Variants in AGBL4 observed in about 807,000 individuals in gnomAD.
AGBL4 encodes the protein AGBL carboxypeptidase 4.
Under a neutral mutation model 66.4 loss-of-function variants are expected in AGBL4, and 58 were observed. The ratio of observed to expected loss-of-function variants is 0.87; its 90% CI spans 0.71 to 1.09. The LOEUF is 1.09. Among genes scored for constraint, AGBL4 ranks in the 50% least tolerant of loss-of-function variants. The pLI, the probability that AGBL4 is intolerant of heterozygous loss-of-function variation, is 0.00. For missense variants in AGBL4, 579 were observed against 631.0 expected (o/e 0.92, Z 0.88); for synonymous variants, 234 against 222.9 (o/e 1.05, Z -0.44).
intron 2 of AGBL4, among the ~76,000 whole-genome samples, chr1:49,849,416 T>C (rs956133683): frequency 1.6e-5 from 2 of 128,504 alleles, no homozygotes; most frequent in East Asian, 2.0e-4. Flanking sequence ...TTATTATTAT[T>C]ATTATTATTA....
intron 3 of AGBL4, among the ~76,000 whole-genome samples, chr1:49,340,216 GAAA>G (rs35729306): frequency 1.1e-4 from 14 of 128,032 alleles, no homozygotes; most frequent in African/African-American, 2.0e-4. Flanking sequence ...ATTCTCTATG[GAAA>G]AAAAAAAAAA....
intron 4 of AGBL4, among the ~76,000 whole-genome samples, chr1:49,205,982 A>C (rs1648100209): frequency 1.3e-5 from 2 of 152,158 alleles, no homozygotes; most frequent in South Asian, 4.1e-4. Flanking sequence ...CTAGAAAAAT[A>C]AACTTGATTT....
chr1:49,858,626 A>G (rs910779167), intron 1 of AGBL4, among the ~76,000 whole-genome samples: 5 of 152,160 alleles, frequency 3.3e-5, no homozygotes, highest in African/African-American at 1.2e-4. Flanking sequence ...AAGAACTAAA[A>G]CTAGGACTAA....
chr1:49,286,009 C>A (rs570729678), intron 3 of AGBL4, among the ~76,000 whole-genome samples: 159 of 152,294 alleles, frequency 1.0e-3, no homozygotes, highest in African/African-American at 3.7e-3. Flanking sequence ...AAAAGCTTAT[C>A]CACCATGATC....
At chr1:48,951,213 A>T (rs959304060) in intron 5 of AGBL4, among the ~76,000 whole-genome samples, 9 of 152,182 alleles carry the variant, frequency 5.9e-5, no homozygotes, top group African/African-American at 2.2e-4. Flanking sequence ...CATGGTCAGC[A>T]AAAGCATCAG....
intron 4 of AGBL4, among the ~76,000 whole-genome samples, chr1:49,049,226 T>C (rs1644152930): frequency 1.3e-5 from 2 of 152,232 alleles, no homozygotes; most frequent in East Asian, 1.9e-4. Flanking sequence ...TTCCCCACCA[T>C]CTTGCATACT....
At chr1:49,965,688 C>G (rs772356552) in intron 1 of AGBL4, among the ~76,000 whole-genome samples, 4 of 152,130 alleles carry the variant, frequency 2.6e-5, no homozygotes, top group Non-Finnish European at 5.9e-5. Context: ...ACTATGATGT[C>G]ATTGTCCAAC....
chr1:48,697,587 A>C lies in AGBL4; in HGVS notation c.635-34346T>G, dbSNP rs554595102. Among the ~76,000 whole-genome samples the C allele has an allele frequency of 1.7e-4, 26 of 152,362 alleles. No individual in the cohort carries two copies. In the South Asian group the frequency reaches 5.4e-3, roughly 32 times the overall value. On this transcript the variant is annotated intron_variant, in intron 6 of 13. Coordinates refer to ENST00000371839, the MANE Select transcript of AGBL4 (RefSeq NM_032785.4). Reference sequence around the variant, plus strand: ...TGATTTTTCCAGTGCTTCAAAAACTAATCCAGATGAATGGATCTATAGCTG... The same window carrying C: ...TGATTTTTCCAGTGCTTCAAAAACTCATCCAGATGAATGGATCTATAGCTG...
At chr1:49,558,373 T>G (rs1402402475) in intron 3 of AGBL4, among the ~76,000 whole-genome samples, 1 of 152,162 alleles carries the variant, frequency 6.6e-6, no homozygotes, top group Non-Finnish European at 1.5e-5. Context: ...AGATGGAGTC[T>G]CACTCTGTTG....
At chr1:48,535,003 A>C in intron 12 of AGBL4, 87 bp from the exon 13 acceptor site, 1 of 1,280,964 alleles carries the variant, frequency 7.8e-7, no homozygotes, top group Non-Finnish European at 1.1e-6. Context: ...CTGTCATTGA[A>C]GGATGTTGTT....
At position 48,656,971 on chromosome 1, in the gene AGBL4, T is replaced by C. The variant is rs992063459; in HGVS notation, c.725-3520A>G. Among the ~76,000 whole-genome samples, 12 of 152,264 alleles carry C rather than the reference T, an allele frequency of 7.9e-5. No individual in the cohort carries two copies. In the South Asian group the frequency reaches 8.3e-4, roughly 11 times the overall value. On this transcript the variant is annotated intron_variant, in intron 7 of 13. Transcript: ENST00000371839. Reference sequence around the variant, plus strand: ...GCCCATGTATTCCCTGAATCTAAAATTTAAAATTAAAATAAAAAGAAAGGA... The same window carrying C: ...GCCCATGTATTCCCTGAATCTAAAACTTAAAATTAAAATAAAAAGAAAGGA...
intron 1 of AGBL4, among the ~76,000 whole-genome samples, chr1:50,013,014 T>G (rs1661670071): frequency 6.6e-6 from 1 of 152,174 alleles, no homozygotes; most frequent in South Asian, 2.1e-4. Context: ...TCTCAGAATA[T>G]AACCACTTCC....
rs111966736 is a variant in AGBL4 at position 49,741,148 on chromosome 1, C to T, written c.158-43711G>A. Among the ~76,000 whole-genome samples, 287 of 151,906 alleles carry T rather than the reference C, an allele frequency of 1.9e-3. 3 individuals carry two copies. Among genetic ancestry groups the T allele is most frequent in the African/African-American group, 6.3e-3 (263 of 41,428 alleles). ...GAAAGGATCAACAAAATTGATAGACCGCTAGCAAGACTAATAAAGAAGAAA... is the reference window on the plus strand; with the variant it reads ...GAAAGGATCAACAAAATTGATAGACTGCTAGCAAGACTAATAAAGAAGAAA... On this transcript the variant is annotated intron_variant, in intron 2 of 13. Coordinates refer to ENST00000371839, the MANE Select transcript of AGBL4 (RefSeq NM_032785.4).
chr1:49,969,680 A>G (rs965219137), intron 1 of AGBL4, among the ~76,000 whole-genome samples: 1 of 152,176 alleles, frequency 6.6e-6, no homozygotes, highest in African/African-American at 2.4e-5. Flanking sequence ...TGTTGTTGCA[A>G]ATAGATTTCC....
In AGBL4 at chr1:49,565,323, T is replaced by C. The variant is rs529966667; in HGVS notation, c.282+131990A>G. On this transcript the variant is annotated intron_variant, in intron 3 of 13. Coordinates refer to ENST00000371839, the MANE Select transcript of AGBL4 (RefSeq NM_032785.4). ...TTTACATTTAAGGTAAGAATTGTTA[T>C]GTGTGAATTTGATCCTGTCATTATG... Among the ~76,000 whole-genome samples the C allele has an allele frequency of 4.3e-4, 66 of 152,334 alleles. 1 individual carries two copies. The South Asian group carries it at 0.014, about 32-fold the overall frequency.
intron 1 of AGBL4, among the ~76,000 whole-genome samples, chr1:49,940,341 C>T (rs548537342): frequency 6.4e-4 from 97 of 152,258 alleles, no homozygotes; most frequent in African/African-American, 2.2e-3. Flanking sequence ...CCCAGCCATC[C>T]CATTACTGGG....
intron 2 of AGBL4, among the ~76,000 whole-genome samples, chr1:49,728,421 T>C (rs1301953087): frequency 1.3e-5 from 2 of 152,214 alleles, no homozygotes; most frequent in Non-Finnish European, 2.9e-5. Context: ...AACATTCTTC[T>C]AAAAAGCACC....
chr1:48,528,968 A>C (rs1643892956), downstream of AGBL4, among the ~76,000 whole-genome samples: 2 of 152,070 alleles, frequency 1.3e-5, no homozygotes, highest in African/African-American at 4.8e-5. Flanking sequence ...CATGTTCAAC[A>C]CTGTCTTCCC....
At chr1:48,640,208 G>A (rs1162791308) in intron 8 of AGBL4, among the ~76,000 whole-genome samples, 4 of 152,132 alleles carry the variant, frequency 2.6e-5, no homozygotes, top group African/African-American at 9.7e-5. Context: ...AAATATATGG[G>A]GGCCAAATTT....
Sources: gnomAD v4.1 joint callset for allele counts (sites outside exome capture counted in the v4.1 genomes callset) on GRCh38, gnomAD v4.1.1 for gene constraint, MANE v1.5 for transcripts, NCBI Gene and HGNC (gene_info 2026-07-23, HGNC 2026-07-21) for gene names.